The following ARHGAP10 variants were observed in gnomAD, a reference collection of about 807,000 sequenced individuals.
ARHGAP10 encodes the protein Rho GTPase activating protein 10.
In ARHGAP10, 87 loss-of-function variants were observed where a neutral mutation model predicts 108.6. That is an observed-to-expected ratio of 0.80 (90% CI 0.67 to 0.96). The LOEUF (loss-of-function observed/expected upper bound fraction) is 0.96. Among genes scored for constraint, ARHGAP10 ranks in the 40% least tolerant of loss-of-function variants. The pLI is 0.00. For missense variants in ARHGAP10, 939 were observed against 954.5 expected (o/e 0.98, Z 0.21); for synonymous variants, 347 against 341.1 (o/e 1.02, Z -0.19).
intron 10 of ARHGAP10, among the ~76,000 whole-genome samples, chr4:147,902,286 C>T (rs1387797982): frequency 6.6e-6 from 1 of 152,192 alleles, no homozygotes. Flanking sequence ...AGCAACCAGA[C>T]TGTTCATGTG....
At chr4:148,050,475 G>A (rs1729085630) in intron 20 of ARHGAP10, among the ~76,000 whole-genome samples, 4 of 147,866 alleles carry the variant, frequency 2.7e-5, no homozygotes, top group Admixed American at 1.4e-4. Flanking sequence ...CTGGGTTCAC[G>A]CTATTCTCCT....
chr4:147,979,131 G>A (rs1421320380), intron 18 of ARHGAP10, among the ~76,000 whole-genome samples: 3 of 152,084 alleles, frequency 2.0e-5, no homozygotes, highest in East Asian at 3.9e-4. Flanking sequence ...TTGCCTAGGC[G>A]ACTATCTGGA....
chr4:147,785,303 C>T (rs1267651205), intron 1 of ARHGAP10, among the ~76,000 whole-genome samples: 6 of 151,902 alleles, frequency 3.9e-5, no homozygotes, highest in Admixed American at 3.9e-4. Context: ...TGTTGTGTCT[C>T]CAATCCAGTG....
In ARHGAP10 at chr4:148,045,628, C is replaced by T. The variant is rs544885159; in HGVS notation, c.1868-1264C>T. Among the ~76,000 whole-genome samples, 228 of 150,140 alleles carry T rather than the reference C, an allele frequency of 1.5e-3. 3 individuals carry two copies. Among genetic ancestry groups the T allele is most frequent in the African/African-American group, 5.3e-3 (216 of 40,806 alleles). ...TGGTGCATGCCTGTAATCCCAACTA[C>T]TCGGGAGGCTGAGGCAGGAGAACTG... On this transcript the variant is annotated intron_variant, in intron 19 of 22. Transcript: ENST00000336498.
chr4:147,789,033 A>G (rs1649643248), intron 1 of ARHGAP10, among the ~76,000 whole-genome samples: 1 of 152,214 alleles, frequency 6.6e-6, no homozygotes, highest in Admixed American at 6.5e-5. Flanking sequence ...AACTGATGAT[A>G]TCACTGAAAA....
chr4:147,732,171 T>C lies in ARHGAP10; in HGVS notation c.-131T>C. On this transcript the variant is annotated 5_prime_UTR_variant, in exon 1 of 23. Coordinates refer to ENST00000336498, the MANE Select transcript of ARHGAP10 (RefSeq NM_024605.4). ...TCTACGGGACATGTCCGTGCCGCGC[T>C]CGCCGCGCGCCCGGGCCTGCTAGCT... 1 of 887,614 alleles carries C rather than the reference T, an allele frequency of 1.1e-6. No individual in the cohort carries two copies. Among genetic ancestry groups the C allele is most frequent in the South Asian group, 3.0e-5 (1 of 33,368 alleles). 55.0% of individuals were successfully genotyped at this position (887,614 alleles called of 1,614,324 possible). A position where few individuals can be genotyped will look rare whatever the true frequency, so the allele number is the denominator to read the frequency against.
intron 22 of ARHGAP10, among the ~76,000 whole-genome samples, chr4:148,069,459 G>T (rs950710324): frequency 4.6e-5 from 7 of 152,152 alleles, no homozygotes; most frequent in African/African-American, 1.4e-4. Context: ...TTGGGGAGAT[G>T]CAGGATTCCC....
Position 147,736,910 on chromosome 4 carries a change from G to A in ARHGAP10, c.154+4455G>A, listed in dbSNP as rs572561850. On this transcript the variant is annotated intron_variant, in intron 1 of 22. Coordinates refer to ENST00000336498, the MANE Select transcript of ARHGAP10 (RefSeq NM_024605.4). ...GAGGCTTCCTTTTGTCATAGGAGAC[G>A]CGAAGAAGGATGGTTTTCTACTTTT... is the stretch of plus-strand genomic sequence containing the variant. Among the ~76,000 whole-genome samples, 5 of 152,230 alleles carry A rather than the reference G, an allele frequency of 3.3e-5. No homozygotes were observed. The South Asian group carries it at 6.2e-4, about 19-fold the overall frequency.
chr4:147,786,392 TG>T (rs1196927473), intron 1 of ARHGAP10, among the ~76,000 whole-genome samples: 1 of 152,198 alleles, frequency 6.6e-6, no homozygotes, highest in African/African-American at 2.4e-5. Context: ...AGGAGCCTGC[TG>T]CGGCATCCTG....
chr4:147,794,392 A>G (rs1331187644), intron 1 of ARHGAP10, among the ~76,000 whole-genome samples: 3 of 152,236 alleles, frequency 2.0e-5, no homozygotes, highest in African/African-American at 4.8e-5. Flanking sequence ...AGAGGATCCT[A>G]TAATTATCTC....
chr4:147,840,319 T>C (rs1733360672), intron 3 of ARHGAP10, among the ~76,000 whole-genome samples: 1 of 152,146 alleles, frequency 6.6e-6, no homozygotes, highest in African/African-American at 2.4e-5. Context: ...TTTTTTTTCT[T>C]CTCTCATGCA....
intron 15 of ARHGAP10, among the ~76,000 whole-genome samples, chr4:147,950,352 G>A (rs976761029): frequency 2.6e-5 from 4 of 152,174 alleles, no homozygotes; most frequent in African/African-American, 4.8e-5. Context: ...GCCCAAGCAA[G>A]TGTATTTCTT....
In ARHGAP10 at chr4:147,822,728, T is replaced by C. The variant is rs751356788; in HGVS notation, c.156T>C (p.Ser52=). The change falls in exon 2 of 23, where the codon AGT becomes AGC. Residue 52 remains serine, a splice_region_variant and synonymous_variant. Transcript: ENST00000336498. ...DGKNLIAATK[S]LSVAQRKFAH... Reference sequence around the variant, plus strand: ...TCATCATTATACTTTTCTTTCTAGGTCTGTCAGTGGCCCAGCGGAAGTTTG... The same window carrying C: ...TCATCATTATACTTTTCTTTCTAGGCCTGTCAGTGGCCCAGCGGAAGTTTG... 6.2e-7 allele frequency: 1 copy of C among 1,614,032 alleles called. No homozygotes were observed. Among genetic ancestry groups the C allele is most frequent in the Non-Finnish European group, 8.5e-7 (1 of 1,179,870 alleles).
Position 148,072,066 on chromosome 4 carries a change from C to T in ARHGAP10, c.2346C>T (p.Tyr782=), listed in dbSNP as rs200184056. 2.9e-5 allele frequency: 47 copies of T among 1,612,926 alleles called. No homozygotes were observed. The highest frequency in any genetic ancestry group is 6.7e-5 in the Admixed American group (4 of 59,904). The change falls in exon 23 of 23, where the codon TAC becomes TAT. Residue 782 remains tyrosine, a synonymous_variant. Transcript: ENST00000336498. ...AGAGGGGGCTGATTCCACAGAACTA[C>T]GTCAAGCTGCTGTAGCTCCTGGCCT... ...NGKRGLIPQN[Y]VKLL
Position 147,847,138 on chromosome 4 carries a change from T to C in ARHGAP10, c.313-13T>C, listed in dbSNP as rs1311059558. 2 of 1,607,610 alleles carry C rather than the reference T, an allele frequency of 1.2e-6. No individual in the cohort carries two copies. The highest frequency in any genetic ancestry group is 2.7e-5 in the African/African-American group (2 of 74,742). ...TAATGCTGTGCTCTTTTGTTATCAC[T>C]CTTGTTCTCTAGGCATTAAGTGTAA... On this transcript the variant is annotated splice_polypyrimidine_tract_variant and intron_variant, in intron 3 of 22. Coordinates refer to ENST00000336498, the MANE Select transcript of ARHGAP10 (RefSeq NM_024605.4).
At chr4:148,054,710 G>A (rs974520845) in intron 20 of ARHGAP10, among the ~76,000 whole-genome samples, 1 of 152,178 alleles carries the variant, frequency 6.6e-6, no homozygotes, top group African/African-American at 2.4e-5. Flanking sequence ...GAGCCTCTGA[G>A]AATAGACCCT....
chr4:147,850,056 T>TCAGCACTCTGTAAAAACACACCAAC (rs1733799060), intron 4 of ARHGAP10, among the ~76,000 whole-genome samples: 1 of 152,112 alleles, frequency 6.6e-6, no homozygotes, highest in South Asian at 2.1e-4. Flanking sequence ...AATGCACCAA[T>TCAGCACTCTGTAAAAACACACCAAC]CAGCACTCTG....
chr4:147,797,508 G>A (rs1445739955), intron 1 of ARHGAP10, among the ~76,000 whole-genome samples: 4 of 152,170 alleles, frequency 2.6e-5, no homozygotes, highest in Admixed American at 2.6e-4. Context: ...CGCCTCCCAG[G>A]TTCAAGTGAT....
At chr4:148,018,471 A>G (rs1741433299) in intron 18 of ARHGAP10, among the ~76,000 whole-genome samples, 1 of 152,126 alleles carries the variant, frequency 6.6e-6, no homozygotes, top group South Asian at 2.1e-4. Flanking sequence ...TTTTAAAGTA[A>G]ACAGTTTTAC....
Sources: allele counts gnomAD v4.1 joint callset (sites outside exome capture counted in the v4.1 genomes callset), GRCh38; gene constraint gnomAD v4.1.1; transcripts MANE v1.5; gene names NCBI Gene and HGNC (gene_info 2026-07-23, HGNC 2026-07-21).